GABRB1: variants seen among roughly 807,000 people sequenced by gnomAD.
GABRB1 encodes gamma-aminobutyric acid receptor subunit beta-1.
GABRB1 carries 17 observed loss-of-function variants against 51.6 expected under a neutral mutation model. The observed-to-expected ratio is 0.33, with a 90% CI of 0.23 to 0.49. GABRB1 has a LOEUF of 0.49. GABRB1 is among the 20% of genes least tolerant of loss of function. GABRB1 has a pLI of 0.99. For synonymous variants in GABRB1, 247 were observed against 218.9 expected, an observed-to-expected ratio of 1.13 and a Z score of -1.14; for missense variants, 410 against 600.6, an observed-to-expected ratio of 0.68 and a Z score of 3.32.
chr4:47,266,219 T>G (rs1431367149), intron 4 of GABRB1, among the ~76,000 whole-genome samples: 21 of 152,188 alleles, frequency 1.4e-4, no homozygotes, highest in Non-Finnish European at 2.8e-4. Flanking sequence ...TTTGTTTTTG[T>G]CCACTTTATC....
chr4:47,218,717 T>C (rs374468426), intron 4 of GABRB1, among the ~76,000 whole-genome samples: 20 of 151,942 alleles, frequency 1.3e-4, no homozygotes, highest in Admixed American at 1.1e-3. Context: ...TATTCCTTAT[T>C]CATTTTTGAA....
intron 5 of GABRB1, among the ~76,000 whole-genome samples, chr4:47,331,714 C>T (rs372753329): frequency 6.6e-6 from 1 of 152,126 alleles, no homozygotes. Context: ...AACTAAGGAA[C>T]TTTTTGATTC....
At position 47,275,181 on chromosome 4, in the gene GABRB1, T is replaced by C. The variant is rs574277800; in HGVS notation, c.462-44946T>C. 4.6e-5 allele frequency among the ~76,000 whole-genome samples: 7 copies of C among 152,258 alleles called. No individual in the cohort carries two copies. The South Asian group carries it at 6.2e-4, about 14-fold the overall frequency. On this transcript the variant is annotated intron_variant, in intron 4 of 8. Transcript: ENST00000295454. ...AACCAAAATGTATTTACTCTGTATG[T>C]TTACTTCAAGTTAGCCTTGATAAGA...
rs535541525 is a variant in GABRB1 at position 47,293,830 on chromosome 4, C to T, written c.462-26297C>T. Among the ~76,000 whole-genome samples the T allele has an allele frequency of 3.5e-3, 526 of 152,260 alleles. 2 individuals carry two copies. The highest frequency in any genetic ancestry group is 5.7e-3 in the Non-Finnish European group (385 of 68,004). ...TATAGCTTGTAAGCAAAGTAATGAA[C>T]TTGTATTTCACAAAGAAAACTAGGG... On this transcript the variant is annotated intron_variant, in intron 4 of 8. Coordinates refer to ENST00000295454, the MANE Select transcript of GABRB1 (RefSeq NM_000812.4).
At chr4:47,178,999 A>G (rs1718825397) in intron 4 of GABRB1, among the ~76,000 whole-genome samples, 1 of 151,958 alleles carries the variant, frequency 6.6e-6, no homozygotes. Flanking sequence ...AAGTTCTGGG[A>G]TACATGTGCA....
At chr4:47,287,841 CCAACTG>C (rs2109917187) in intron 4 of GABRB1, among the ~76,000 whole-genome samples, 1 of 152,292 alleles carries the variant, frequency 6.6e-6, no homozygotes, top group East Asian at 1.9e-4. Flanking sequence ...AGAGAGGTCT[CCAACTG>C]CCAGCAAGAT....
At chr4:47,073,648 T>C (rs1727432995) in intron 3 of GABRB1, among the ~76,000 whole-genome samples, 1 of 152,214 alleles carries the variant, frequency 6.6e-6, no homozygotes, top group African/African-American at 2.4e-5. Flanking sequence ...AAGTTACTTT[T>C]GCCTTTCTCT....
At chr4:47,198,195 G>T (rs909892043) in intron 4 of GABRB1, among the ~76,000 whole-genome samples, 1 of 152,162 alleles carries the variant, frequency 6.6e-6, no homozygotes, top group Non-Finnish European at 1.5e-5. Context: ...CTATATTGGG[G>T]ACAATGTTTT....
At chr4:47,212,130 C>A (rs900420535) in intron 4 of GABRB1, among the ~76,000 whole-genome samples, 1 of 152,092 alleles carries the variant, frequency 6.6e-6, no homozygotes, top group Non-Finnish European at 1.5e-5. Context: ...AGAAAAGGTA[C>A]CTGGCGTGAA....
chr4:47,046,591 G>T (rs1285974460), intron 3 of GABRB1, among the ~76,000 whole-genome samples: 1 of 152,064 alleles, frequency 6.6e-6, no homozygotes, highest in African/African-American at 2.4e-5. Flanking sequence ...TGACCCTGAA[G>T]ATGAGATCTC....
intron 3 of GABRB1, among the ~76,000 whole-genome samples, chr4:47,143,563 C>T (rs565640400): frequency 1.3e-5 from 2 of 151,620 alleles, no homozygotes; most frequent in Middle Eastern, 3.4e-3. Flanking sequence ...TTCTAGAAAT[C>T]GTGTGAGTAC....
At chr4:47,026,910 T>C (rs1662684335), upstream of GABRB1, among the ~76,000 whole-genome samples, 1 of 152,036 alleles carries the variant, frequency 6.6e-6, no homozygotes, top group South Asian at 2.1e-4. Context: ...ACTATTTGAA[T>C]TTGAATTTTG....
At chr4:47,355,628 C>T (rs1726538952) in intron 5 of GABRB1, among the ~76,000 whole-genome samples, 1 of 152,232 alleles carries the variant, frequency 6.6e-6, no homozygotes, top group Non-Finnish European at 1.5e-5. Context: ...GCCTCCCTGT[C>T]TTTGGCTATA....
chr4:47,344,716 T>TTTCTTTG (rs1469767693), intron 5 of GABRB1, among the ~76,000 whole-genome samples: 3 of 150,224 alleles, frequency 2.0e-5, no homozygotes, highest in African/African-American at 7.3e-5. Flanking sequence ...TGTGTGTGTG[T>TTTCTTTG]TTTTTTGTTT....
At chr4:47,344,044 G>C (rs1382025528) in intron 5 of GABRB1, among the ~76,000 whole-genome samples, 3 of 152,186 alleles carry the variant, frequency 2.0e-5, no homozygotes, top group African/African-American at 7.2e-5. Context: ...TTGGTTGATA[G>C]TATAGAGCAT....
chr4:47,118,852 G>T (rs1237159177), intron 3 of GABRB1, among the ~76,000 whole-genome samples: 1 of 152,094 alleles, frequency 6.6e-6, no homozygotes, highest in Non-Finnish European at 1.5e-5. Flanking sequence ...TGAAACATCT[G>T]CTTCTAATAT....
intron 4 of GABRB1, among the ~76,000 whole-genome samples, chr4:47,177,379 C>G (rs1442095): frequency 0.86 from 130,874 of 152,074 alleles, 56,335 homozygotes; most frequent in Middle Eastern, 0.92. Context: ...AGCCTAGCTA[C>G]TACAGAAATA....
intron 1 of GABRB1, among the ~76,000 whole-genome samples, chr4:47,001,466 G>A (rs937705090): frequency 6.6e-6 from 1 of 152,174 alleles, no homozygotes. Context: ...ATATTTCTGT[G>A]AATGTATTTC....
chr4:47,353,139 C>G (rs978327284), intron 5 of GABRB1, among the ~76,000 whole-genome samples: 8 of 152,190 alleles, frequency 5.3e-5, no homozygotes, highest in African/African-American at 1.9e-4. Context: ...ACTATGAGAA[C>G]AGTATGGGGG....
Sources: allele counts gnomAD v4.1 joint callset (sites outside exome capture counted in the v4.1 genomes callset), GRCh38; gene constraint gnomAD v4.1.1; transcripts MANE v1.5; gene names NCBI Gene and HGNC (gene_info 2026-07-23, HGNC 2026-07-21).